The following LRRC8C variants were observed in gnomAD, a reference collection of about 807,000 sequenced individuals.
LRRC8C encodes volume-regulated anion channel subunit LRRC8C.
A neutral mutation model predicts 55.3 loss-of-function variants in LRRC8C; 20 were observed. That is an observed-to-expected ratio of 0.36 (90% CI 0.25 to 0.53). The LOEUF (loss-of-function observed/expected upper bound fraction) is 0.53, where lower values mean the gene tolerates loss of function less well. LRRC8C is among the 20% of genes least tolerant of loss of function. The probability of loss-of-function intolerance (pLI) is 0.92; values close to 1 mark genes in which losing one functional copy is unlikely to be tolerated. For missense variants in LRRC8C, 659 were observed against 951.4 expected, an observed-to-expected ratio of 0.69 and a Z score of 4.04; for synonymous variants, 376 against 360.7, an observed-to-expected ratio of 1.04 and a Z score of -0.48.
At chr1:89,701,673 T>C (rs1432265026) in intron 2 of LRRC8C, among the ~76,000 whole-genome samples, 1 of 152,196 alleles carries the variant, frequency 6.6e-6, no homozygotes, top group African/African-American at 2.4e-5. Flanking sequence ...TAATAATTTG[T>C]CTCGACTAAT....
the LRRC8C span, among the ~76,000 whole-genome samples, chr1:89,618,747 T>C: frequency 3.9e-5 from 6 of 152,244 alleles, no homozygotes; most frequent in African/African-American, 1.2e-4. Flanking sequence ...GAGTTAAAAG[T>C]ACTTTCTAAA....
chr1:89,685,101 CTTTTTTTTTTTTTTTT>C (rs11316114), intron 1 of LRRC8C, among the ~76,000 whole-genome samples: 1 of 76,164 alleles, frequency 1.3e-5, no homozygotes, highest in African/African-American at 5.1e-5. Context: ...CTATCTAGTT[CTTTTTTTTTTTTTTTT>C]TTTTTTTTTG....
At chr1:89,677,605 G>A (rs2101255001) in intron 1 of LRRC8C, among the ~76,000 whole-genome samples, 1 of 152,288 alleles carries the variant, frequency 6.6e-6, no homozygotes, top group Admixed American at 6.5e-5. Flanking sequence ...AAAAGTTATA[G>A]TTCACCATTA....
At chr1:89,658,512 G>T (rs1247034443) in intron 1 of LRRC8C, among the ~76,000 whole-genome samples, 1 of 152,154 alleles carries the variant, frequency 6.6e-6, no homozygotes, top group Non-Finnish European at 1.5e-5. Context: ...AATGGGGCAG[G>T]TGGTAGAATC....
intron 1 of LRRC8C, among the ~76,000 whole-genome samples, chr1:89,637,765 T>C (rs745449240): frequency 4.6e-5 from 7 of 152,242 alleles, no homozygotes; most frequent in Middle Eastern, 3.4e-3. Context: ...TTCCTAATGA[T>C]TACAAGATAG....
the LRRC8C span, among the ~76,000 whole-genome samples, chr1:89,620,223 G>A: frequency 6.6e-6 from 1 of 152,084 alleles, no homozygotes; most frequent in Admixed American, 6.5e-5. Context: ...CATGATGCTG[G>A]AAATCTCATA....
intron 2 of LRRC8C, among the ~76,000 whole-genome samples, chr1:89,693,646 C>CTTTTTTT (rs35427989): frequency 7.3e-5 from 6 of 82,704 alleles, no homozygotes; most frequent in Non-Finnish European, 1.4e-4. Context: ...TCTTTTCTTC[C>CTTTTTTT]TTTTTTTTTT....
chr1:89,616,583 G>C, the LRRC8C span, among the ~76,000 whole-genome samples: 1 of 152,158 alleles, frequency 6.6e-6, no homozygotes, highest in Non-Finnish European at 1.5e-5. Context: ...ATTGGTTCAG[G>C]AGCTGACTCT....
intron 1 of LRRC8C, among the ~76,000 whole-genome samples, chr1:89,672,011 A>G (rs1464602877): frequency 6.6e-6 from 1 of 152,188 alleles, no homozygotes; most frequent in Non-Finnish European, 1.5e-5. Context: ...TTATGTCTCT[A>G]CAGATAGAAA....
intron 1 of LRRC8C, among the ~76,000 whole-genome samples, chr1:89,649,366 G>C (rs1656697615): frequency 6.6e-6 from 1 of 152,166 alleles, no homozygotes; most frequent in South Asian, 2.1e-4. Context: ...TAAAGTTCTA[G>C]TTAAATATGG....
chr1:89,678,134 T>G (rs748997380), intron 1 of LRRC8C, among the ~76,000 whole-genome samples: 5 of 152,252 alleles, frequency 3.3e-5, no homozygotes, highest in Non-Finnish European at 7.3e-5. Context: ...GTCCTGGCCC[T>G]GTGTGTGGGA....
rs149402177 is a variant in LRRC8C at position 89,641,294 on chromosome 1, T to C, written c.-5+7972T>C. On this transcript the variant is annotated intron_variant, in intron 1 of 2. Coordinates refer to ENST00000370454, the MANE Select transcript of LRRC8C (RefSeq NM_032270.5). Reference sequence around the variant, plus strand: ...TCTGGTAGATGGATTCAAAAATTCATTCTTAGGGACATTTGGTAAGAAAAG... The same window carrying C: ...TCTGGTAGATGGATTCAAAAATTCACTCTTAGGGACATTTGGTAAGAAAAG... Among the ~76,000 whole-genome samples, 699 of 152,326 alleles carry C rather than the reference T, an allele frequency of 4.6e-3. 3 individuals carry two copies. The highest frequency in any genetic ancestry group is 0.016 in the African/African-American group (650 of 41,572).
At chr1:89,618,141 C>T in the LRRC8C span, among the ~76,000 whole-genome samples, 2 of 152,208 alleles carry the variant, frequency 1.3e-5, no homozygotes, top group South Asian at 2.1e-4. Flanking sequence ...TCAAGCTGGC[C>T]CAAAGTTTGA....
In LRRC8C at chr1:89,714,675, T is replaced by C. The variant is rs1363049932; in HGVS notation, c.2105T>C (p.Ile702Thr). The change falls in exon 3 of 3, where the codon ATT (isoleucine) becomes ACT (threonine). Residue 702 changes from isoleucine (I) to threonine (T), a missense_variant. By Grantham distance (89) the Ile-to-Thr change is moderately conservative (BLOSUM62 -1). Coordinates refer to ENST00000370454, the MANE Select transcript of LRRC8C (RefSeq NM_032270.5). This position sits in a 1 kb window ranked among gnomAD's most constrained non-coding sequence, Gnocchi z 4.6. ...GACATTCGATTTATCCCCCCTGAAA[T>C]TGGAGTTCTACAAAGTTTACAGTAT... is the stretch of plus-strand genomic sequence containing the variant. The part of the protein sequence containing the change: ...YNDIRFIPPE[I>T]GVLQSLQYFS... The C allele has an allele frequency of 3.1e-6, 5 of 1,614,166 alleles. No individual in the cohort carries two copies. The highest frequency in any genetic ancestry group is 2.2e-5 in the East Asian group (1 of 44,890).
At chr1:89,661,457 T>C (rs1657121536) in intron 1 of LRRC8C, 1 of 212,326 alleles carries the variant, frequency 4.7e-6, no homozygotes, top group South Asian at 8.5e-5. Flanking sequence ...TGGTGGAGCA[T>C]GTTTGCTGAA....
intron 1 of LRRC8C, among the ~76,000 whole-genome samples, chr1:89,653,388 A>C (rs535569255): frequency 1.2e-3 from 179 of 152,332 alleles, no homozygotes; most frequent in African/African-American, 4.0e-3. Context: ...AATGTCTGGC[A>C]ATCAGTCTGT....
intron 1 of LRRC8C, among the ~76,000 whole-genome samples, chr1:89,646,379 A>G (rs1288673822): frequency 6.6e-6 from 1 of 152,158 alleles, no homozygotes; most frequent in East Asian, 1.9e-4. Context: ...GAAAAGCACA[A>G]TTACAAAGCC....
chr1:89,651,567 CA>C (rs1179039674), intron 1 of LRRC8C, among the ~76,000 whole-genome samples: 950 of 40,734 alleles, frequency 0.023, 5 homozygotes, highest in African/African-American at 0.068. Context: ...GACTCTGTCT[CA>C]AAAAAAAAAA....
At chr1:89,636,768 A>G (rs771555439) in intron 1 of LRRC8C, among the ~76,000 whole-genome samples, 6 of 152,124 alleles carry the variant, frequency 3.9e-5, no homozygotes, top group Non-Finnish European at 7.4e-5. Flanking sequence ...GTACCCCTCC[A>G]AAAGTGCTGA....
Sources: allele counts gnomAD v4.1 joint callset (sites outside exome capture counted in the v4.1 genomes callset), GRCh38; gene constraint gnomAD v4.1.1; non-coding constraint Gnocchi (gnomAD v3.1); transcripts MANE v1.5; gene names NCBI Gene and HGNC (gene_info 2026-07-23, HGNC 2026-07-21).